Variants in PDE4D observed in about 807,000 individuals in gnomAD.
The protein encoded by PDE4D is phosphodiesterase 4D, also known as 3',5'-cyclic-AMP phosphodiesterase 4D.
A neutral mutation model predicts 87.4 loss-of-function variants in PDE4D; 24 were observed. The ratio of observed to expected loss-of-function variants is 0.27; its 90% CI spans 0.20 to 0.39. PDE4D has a LOEUF of 0.39. Ranked by LOEUF, PDE4D falls within the 10% of genes least tolerant of loss-of-function variation. PDE4D has a pLI of 1.00. For synonymous variants in PDE4D, 384 were observed against 383.2 expected (o/e 1.00, Z -0.02); for missense variants, 714 against 1,041.0 (o/e 0.69, Z 4.32).
intron 2 of PDE4D, among the ~76,000 whole-genome samples, chr5:60,009,064 G>C (rs533600101): frequency 1.1e-4 from 17 of 152,026 alleles, no homozygotes; most frequent in African/African-American, 3.9e-4. Flanking sequence ...AATTACTAGA[G>C]GTCTCTCTCT....
intron 1 of PDE4D, among the ~76,000 whole-genome samples, chr5:59,253,580 C>T (rs1760406573): frequency 6.6e-6 from 1 of 152,050 alleles, no homozygotes; most frequent in South Asian, 2.1e-4. Context: ...AATGATTTTA[C>T]TCCTCTCAAA....
chr5:59,793,742 T>C (rs1766094395), intron 1 of PDE4D, among the ~76,000 whole-genome samples: 1 of 152,228 alleles, frequency 6.6e-6, no homozygotes, highest in Admixed American at 6.5e-5. Flanking sequence ...GGATTAGACC[T>C]TCTGATCAAC....
intron 1 of PDE4D, among the ~76,000 whole-genome samples, chr5:59,847,452 C>T (rs532979397): frequency 3.3e-5 from 5 of 151,962 alleles, no homozygotes; most frequent in Admixed American, 2.0e-4. Flanking sequence ...GTGAGGTGTA[C>T]GGGGAGGGTA....
At chr5:60,201,632 A>G (rs1715469599) in intron 1 of PDE4D, among the ~76,000 whole-genome samples, 1 of 152,162 alleles carries the variant, frequency 6.6e-6, no homozygotes, top group African/African-American at 2.4e-5. Context: ...CTACAACAAT[A>G]TCAACATTTT....
chr5:60,133,824 C>T (rs1233150539), intron 2 of PDE4D, among the ~76,000 whole-genome samples: 1 of 152,074 alleles, frequency 6.6e-6, no homozygotes, highest in African/African-American at 2.4e-5. Context: ...ATATACTCTA[C>T]CATTTAGTAG....
chr5:59,138,753 G>A (rs1241140753), intron 5 of PDE4D, among the ~76,000 whole-genome samples: 1 of 152,118 alleles, frequency 6.6e-6, no homozygotes, highest in Non-Finnish European at 1.5e-5. Flanking sequence ...TATTTGCTAG[G>A]AAATGAGTGA....
chr5:60,067,141 TTCCTCAAG>T (rs1372825496), intron 2 of PDE4D, among the ~76,000 whole-genome samples: 1 of 152,144 alleles, frequency 6.6e-6, no homozygotes, highest in Non-Finnish European at 1.5e-5. Context: ...CTTATTCATT[TTCCTCAAG>T]TCTCCTAAAC....
At chr5:60,261,132 A>T (rs1188771251) in intron 1 of PDE4D, among the ~76,000 whole-genome samples, 1 of 152,146 alleles carries the variant, frequency 6.6e-6, no homozygotes, top group Non-Finnish European at 1.5e-5. Flanking sequence ...TATTTTATTG[A>T]ACATAGGATA....
intron 1 of PDE4D, among the ~76,000 whole-genome samples, chr5:59,425,849 T>C (rs921557882): frequency 5.9e-5 from 9 of 152,184 alleles, no homozygotes; most frequent in Admixed American, 6.5e-5. Flanking sequence ...CCACAATCAT[T>C]ATTAGTAAAT....
At chr5:59,153,914 A>G (rs1779802052) in intron 5 of PDE4D, among the ~76,000 whole-genome samples, 1 of 152,146 alleles carries the variant, frequency 6.6e-6, no homozygotes, top group South Asian at 2.1e-4. Context: ...CTAAAATGAG[A>G]TAAAGTGAAC....
intron 1 of PDE4D, among the ~76,000 whole-genome samples, chr5:59,547,327 T>A (rs1327996720): frequency 1.3e-5 from 2 of 152,160 alleles, no homozygotes; most frequent in African/African-American, 2.4e-5. Flanking sequence ...AGTATATACA[T>A]AATTCAAATA....
chr5:59,161,090 G>A (rs554303419), intron 5 of PDE4D, among the ~76,000 whole-genome samples: 3 of 152,178 alleles, frequency 2.0e-5, no homozygotes, highest in South Asian at 4.2e-4. Context: ...GAGAGACTCC[G>A]TCCCACCTCC....
chr5:60,479,365 T>C (rs557758646), intron 1 of PDE4D, among the ~76,000 whole-genome samples: 1 of 152,272 alleles, frequency 6.6e-6, no homozygotes, highest in East Asian at 1.9e-4. Flanking sequence ...ACAACTTGGC[T>C]TGACAATCAC....
intron 1 of PDE4D, among the ~76,000 whole-genome samples, chr5:60,231,635 A>G (rs1745822735): frequency 6.6e-6 from 1 of 151,994 alleles, no homozygotes; most frequent in South Asian, 2.1e-4. Context: ...GAGACAAAGT[A>G]ACTGAAAATT....
chr5:59,379,898 A>C (rs984691253), intron 1 of PDE4D, among the ~76,000 whole-genome samples: 12 of 152,238 alleles, frequency 7.9e-5, no homozygotes, highest in African/African-American at 2.4e-4. Context: ...ATATTGCGTG[A>C]TGCTGAGGTT....
chr5:60,167,010 G>A (rs918428275), intron 2 of PDE4D, among the ~76,000 whole-genome samples: 7 of 151,998 alleles, frequency 4.6e-5, no homozygotes, highest in African/African-American at 1.2e-4. Context: ...GAATTTTATC[G>A]TAATATGTAT....
intron 1 of PDE4D, chr5:59,529,121 A>T (rs73761526): frequency 0.015 from 7,225 of 476,874 alleles, 431 homozygotes; most frequent in African/African-American, 0.13. Flanking sequence ...CACTCCTAAA[A>T]CTCACTCTTG....
chr5:60,440,323 C>A (rs1745103609), intron 1 of PDE4D, among the ~76,000 whole-genome samples: 1 of 152,086 alleles, frequency 6.6e-6, no homozygotes, highest in Non-Finnish European at 1.5e-5. Context: ...GAGAACTTTC[C>A]TTGTTACTTT....
intron 1 of PDE4D, among the ~76,000 whole-genome samples, chr5:60,199,625 T>TA (rs1416863803): frequency 1.3e-5 from 2 of 151,718 alleles, no homozygotes; most frequent in Non-Finnish European, 3.0e-5. Context: ...ATTTTCTCTT[T>TA]AAAAATCTCT....
Sources: allele counts gnomAD v4.1 joint callset (sites outside exome capture counted in the v4.1 genomes callset), GRCh38; gene constraint gnomAD v4.1.1; transcripts MANE v1.5; gene names NCBI Gene and HGNC (gene_info 2026-07-23, HGNC 2026-07-21).